Variants in NBPF3 observed in about 807,000 individuals in gnomAD.
NBPF3 encodes NBPF family member NBPF3.
In NBPF3, 57 loss-of-function variants were observed where a neutral mutation model predicts 78.1. That is an observed-to-expected ratio of 0.73 (90% CI 0.59 to 0.91). The LOEUF (loss-of-function observed/expected upper bound fraction) is 0.91, where lower values mean the gene tolerates loss of function less well. Among genes scored for constraint, NBPF3 ranks in the 40% least tolerant of loss-of-function variants. NBPF3 has a pLI of 0.00. For missense variants in NBPF3, 510 were observed against 715.3 expected (o/e 0.71, Z 3.27); for synonymous variants, 182 against 271.7 (o/e 0.67, Z 3.25).
At position 21,456,235 on chromosome 1, in the gene NBPF3, A is replaced by C. The variant is rs576129881; in HGVS notation, c.133+11016A>C. Among the ~76,000 whole-genome samples, 4 of 152,334 alleles carry C rather than the reference A, an allele frequency of 2.6e-5. No individual in the cohort carries two copies. In the South Asian group the frequency reaches 8.3e-4, roughly 32 times the overall value. ...TAGAGCAAAATTAATTCACACAATCAATGACACAAGTTAGCCAAGTCGACA... is the reference window on the plus strand; with the variant it reads ...TAGAGCAAAATTAATTCACACAATCCATGACACAAGTTAGCCAAGTCGACA... On this transcript the variant is annotated intron_variant, in intron 2 of 14. Transcript: ENST00000318249.
chr1:21,474,771 T>G, intron 7 of NBPF3, 129 bp from the exon 8 acceptor site: 1 of 876,736 alleles, frequency 1.1e-6, no homozygotes, highest in Non-Finnish European at 1.8e-6. Flanking sequence ...CACCCTGGAG[T>G]GCTCCTGTCA....
chr1:21,459,520 T>C (rs1319409739), intron 2 of NBPF3, among the ~76,000 whole-genome samples: 1 of 152,152 alleles, frequency 6.6e-6, no homozygotes, highest in African/African-American at 2.4e-5. Context: ...TGTCCATCTA[T>C]CCCTGGCCCC....
At position 21,449,210 on chromosome 1, in the gene NBPF3, A is replaced by G. The variant is rs1396733155; in HGVS notation, c.133+3991A>G. On this transcript the variant is annotated intron_variant, in intron 2 of 14. Transcript: ENST00000318249. Reference sequence around the variant, plus strand: ...CATTTTCATGTGTTTGGGACTTTATATAGTGGACTATTGTGTTTGTTTTGT... The same window carrying G: ...CATTTTCATGTGTTTGGGACTTTATGTAGTGGACTATTGTGTTTGTTTTGT... Among the ~76,000 whole-genome samples the G allele has an allele frequency of 2.0e-5, 3 of 152,062 alleles. No homozygotes were observed. The South Asian group carries it at 6.2e-4, about 32-fold the overall frequency.
intron 2 of NBPF3, among the ~76,000 whole-genome samples, chr1:21,463,902 G>C (rs1449682096): frequency 1.3e-5 from 2 of 152,092 alleles, no homozygotes; most frequent in African/African-American, 4.8e-5. Flanking sequence ...ACCAAAATGA[G>C]ATACCACTTC....
chr1:21,477,088 T>G (rs1283916335), intron 8 of NBPF3, among the ~76,000 whole-genome samples: 1 of 152,234 alleles, frequency 6.6e-6, no homozygotes, highest in Non-Finnish European at 1.5e-5. Flanking sequence ...AGCTTGTGCA[T>G]GTGTCACGTA....
chr1:21,466,885 T>C (rs60515836), intron 2 of NBPF3: 90,052 of 631,856 alleles, frequency 0.14, 7,191 homozygotes, highest in South Asian at 0.31. Flanking sequence ...CAAAATGCCT[T>C]GTACGAATTG....
chr1:21,468,934 A>G (rs370829742), intron 3 of NBPF3, 37 bp downstream of exon 3: 3 of 1,480,134 alleles, frequency 2.0e-6, no homozygotes, highest in Non-Finnish European at 1.9e-6. Flanking sequence ...AAAGCGATGA[A>G]TGATGTCCTG....
intron 2 of NBPF3, among the ~76,000 whole-genome samples, chr1:21,458,933 A>G (rs191605375): frequency 6.6e-6 from 1 of 152,242 alleles, no homozygotes. Flanking sequence ...CATTGATTTC[A>G]TCATCTTAAT....
At position 21,479,407 on chromosome 1, in the gene NBPF3, C is replaced by A; in HGVS notation, c.1208+7C>A. Reference sequence around the variant, plus strand: ...AAGAGGCCACAAGTCCCAGGTGAGTCTGAGAAATTATGGACAGTTAATTTG... The same window carrying A: ...AAGAGGCCACAAGTCCCAGGTGAGTATGAGAAATTATGGACAGTTAATTTG... On this transcript the variant is annotated splice_region_variant and intron_variant, in intron 10 of 14. Coordinates refer to ENST00000318249, the MANE Select transcript of NBPF3 (RefSeq NM_032264.6). The A allele has an allele frequency of 6.2e-7, 1 of 1,609,062 alleles. No homozygotes were observed. Among genetic ancestry groups the A allele is most frequent in the Non-Finnish European group, 8.5e-7 (1 of 1,177,870 alleles).
upstream of NBPF3, chr1:21,437,381 G>T: frequency 1.3e-6 from 1 of 773,870 alleles, no homozygotes; most frequent in East Asian, 3.5e-5. Flanking sequence ...GGTGGTGAGA[G>T]CACATTGGGG....
chr1:21,478,030 C>A (rs1435729407), intron 8 of NBPF3, 114 bp from the exon 9 acceptor site: 2 of 1,604,654 alleles, frequency 1.2e-6, no homozygotes, highest in Non-Finnish European at 1.7e-6. Context: ...GGAAAAATGC[C>A]TTTGGTTTCT....
At position 21,470,579 on chromosome 1, in the gene NBPF3, C is replaced by G. The variant is rs1163242512; in HGVS notation, c.344-53C>G. The G allele has an allele frequency of 1.2e-5, 17 of 1,434,862 alleles. No individual in the cohort carries two copies. In the East Asian group the frequency reaches 3.7e-4, roughly 31 times the overall value. The allele number at this position is 1,434,862 out of a possible 1,614,324, so 88.9% of individuals were successfully genotyped here. On this transcript the variant is annotated intron_variant, in intron 3 of 14. Coordinates refer to ENST00000318249, the MANE Select transcript of NBPF3 (RefSeq NM_032264.6). ...TGGCTCCTGCCCTGTAGGCAGTGAC[C>G]AGAGCAGCATGTCCAGCCTTTCACT...
chr1:21,466,447 T>C (rs1455464237), intron 2 of NBPF3, among the ~76,000 whole-genome samples: 68 of 151,198 alleles, frequency 4.5e-4, no homozygotes, highest in African/African-American at 1.5e-3. Flanking sequence ...CACATTGTGC[T>C]TATGAAAAGG....
rs1017070082 is a variant in NBPF3 at position 21,474,026 on chromosome 1, G to C, written c.940+441G>C. Among the ~76,000 whole-genome samples, 4 of 152,114 alleles carry C rather than the reference G, an allele frequency of 2.6e-5. 1 individual carries two copies. The highest frequency in any genetic ancestry group is 9.7e-5 in the African/African-American group (4 of 41,412). On this transcript the variant is annotated intron_variant, in intron 7 of 14. Coordinates refer to ENST00000318249, the MANE Select transcript of NBPF3 (RefSeq NM_032264.6). Reference sequence around the variant, plus strand: ...TTTAATCTTGATCTCCTTTGAGTCTGCTTGGTTAGCTGCACAGTCACCTTG... The same window carrying C: ...TTTAATCTTGATCTCCTTTGAGTCTCCTTGGTTAGCTGCACAGTCACCTTG...
intron 2 of NBPF3, among the ~76,000 whole-genome samples, chr1:21,463,260 A>G (rs1227828777): frequency 6.6e-6 from 1 of 152,080 alleles, no homozygotes; most frequent in Non-Finnish European, 1.5e-5. Flanking sequence ...CTCGACTTCA[A>G]CTCTAAAGGG....
chr1:21,479,786 C>T (rs1284765010), intron 10 of NBPF3, among the ~76,000 whole-genome samples: 1 of 129,240 alleles, frequency 7.7e-6, no homozygotes, highest in Non-Finnish European at 1.7e-5. Flanking sequence ...ATTCACTGAG[C>T]TCACTATCTC....
chr1:21,457,136 A>G (rs1412062164), intron 2 of NBPF3, among the ~76,000 whole-genome samples: 1 of 151,746 alleles, frequency 6.6e-6, no homozygotes, highest in Non-Finnish European at 1.5e-5. Context: ...GTGCTTATAA[A>G]TAAATTCAAC....
intron 2 of NBPF3, chr1:21,449,926 TTG>T (rs1292763481): frequency 6.8e-6 from 2 of 296,062 alleles, no homozygotes; most frequent in Non-Finnish European, 5.0e-6. Context: ...CTTTCATTGA[TTG>T]ATTGATTGAT....
chr1:21,444,695 C>T (rs55798336), intron 1 of NBPF3, among the ~76,000 whole-genome samples: 3,855 of 152,220 alleles, frequency 0.025, 78 homozygotes, highest in East Asian at 0.095. Flanking sequence ...GTAGCTGGGA[C>T]TACAAGTGTG....
Sources: allele counts gnomAD v4.1 joint callset (sites outside exome capture counted in the v4.1 genomes callset), GRCh38; gene constraint gnomAD v4.1.1; transcripts MANE v1.5; gene names NCBI Gene and HGNC (gene_info 2026-07-23, HGNC 2026-07-21).